PHKB: variants seen among roughly 807,000 people sequenced by gnomAD.
PHKB encodes the protein phosphorylase b kinase regulatory subunit beta.
Under a neutral mutation model 152.1 loss-of-function variants are expected in PHKB, and 122 were observed. The ratio of observed to expected loss-of-function variants is 0.80; its 90% CI spans 0.69 to 0.93. PHKB has a LOEUF of 0.93. Ranked by LOEUF, PHKB falls within the 40% of genes least tolerant of loss-of-function variation. The probability of loss-of-function intolerance (pLI) is 0.00; values close to 1 mark genes in which losing one functional copy is unlikely to be tolerated. For missense variants in PHKB, 1,304 were observed against 1,328.4 expected (o/e 0.98, Z 0.29); for synonymous variants, 436 against 464.9 (o/e 0.94, Z 0.80).
intron 20 of PHKB, among the ~76,000 whole-genome samples, chr16:47,653,417 A>G (rs1973275020): frequency 6.6e-6 from 1 of 152,190 alleles, no homozygotes; most frequent in African/African-American, 2.4e-5. Context: ...ATGGAAAGGA[A>G]CTTTTGGACC....
At chr16:47,664,837 T>G in intron 24 of PHKB, 48 bp from the exon 25 acceptor site, 2 of 1,222,992 alleles carry the variant, frequency 1.6e-6, no homozygotes. Context: ...TCCTGGAAGT[T>G]TTATTTACTC....
At chr16:47,493,439 G>A (rs539613534) in intron 1 of PHKB, among the ~76,000 whole-genome samples, 5 of 152,188 alleles carry the variant, frequency 3.3e-5, no homozygotes, top group Non-Finnish European at 7.4e-5. Context: ...AAAATTGAGA[G>A]TACAGATAAA....
chr16:47,473,330 C>T (rs547836318), intron 1 of PHKB, among the ~76,000 whole-genome samples: 5 of 148,070 alleles, frequency 3.4e-5, no homozygotes. Context: ...CCAACTCTGC[C>T]TCCCAAAGTG....
At position 47,629,262 on chromosome 16, in the gene PHKB, A is replaced by G. The variant is rs1400362346; in HGVS notation, c.1459-11773A>G. 5.3e-5 allele frequency among the ~76,000 whole-genome samples: 8 copies of G among 152,222 alleles called. No homozygotes were observed. In the South Asian group the frequency reaches 8.3e-4, roughly 16 times the overall value. On this transcript the variant is annotated intron_variant, in intron 14 of 30. Transcript: ENST00000323584. ...ACCTACAAAATGGGAGAAAATTTTCACAACCTACTCATCTGACAAAGGGCT... is the reference window on the plus strand; with the variant it reads ...ACCTACAAAATGGGAGAAAATTTTCGCAACCTACTCATCTGACAAAGGGCT...
At chr16:47,631,097 T>C (rs1323163060) in intron 14 of PHKB, among the ~76,000 whole-genome samples, 1 of 152,136 alleles carries the variant, frequency 6.6e-6, no homozygotes, top group Non-Finnish European at 1.5e-5. Context: ...CCTCCGTAAT[T>C]GTGTGAGCCA....
Position 47,615,529 on chromosome 16 carries a change from A to G in PHKB, c.1458+4609A>G, listed in dbSNP as rs186865487. On this transcript the variant is annotated intron_variant, in intron 14 of 30. Coordinates refer to ENST00000323584, the MANE Select transcript of PHKB (RefSeq NM_000293.3). Reference sequence around the variant, plus strand: ...TCTCTGTTGTGCTTTGCATTTCCCTATCCTCTGGTGAGAGAAAACAGATTT... The same window carrying G: ...TCTCTGTTGTGCTTTGCATTTCCCTGTCCTCTGGTGAGAGAAAACAGATTT... Among the ~76,000 whole-genome samples, 12 of 152,228 alleles carry G rather than the reference A, an allele frequency of 7.9e-5. No homozygotes were observed. In the East Asian group the frequency reaches 1.2e-3, roughly 15 times the overall value.
In PHKB at chr16:47,650,775, TATTA is replaced by T. The variant is rs3830242; in HGVS notation, c.1881-52_1881-49del. The T allele has an allele frequency of 0.43, 595,054 of 1,394,238 alleles. 133,750 individuals carry two copies. The highest frequency in any genetic ancestry group is 0.75 in the East Asian group (32,750 of 43,772). 86.4% of individuals were successfully genotyped at this position (1,394,238 alleles called of 1,614,324 possible). The stretch of plus-strand genomic sequence containing the variant: ...ATATAAGGGGCACTTAGTATTAGAT[TATTA>T]ATTTACCATTCTGTTGTTAATCTGT... On this transcript the variant is annotated intron_variant, in intron 19 of 30. Coordinates refer to ENST00000323584, the MANE Select transcript of PHKB (RefSeq NM_000293.3).
chr16:47,505,256 G>T (rs183678327), intron 4 of PHKB, among the ~76,000 whole-genome samples: 1 of 152,170 alleles, frequency 6.6e-6, no homozygotes, highest in Admixed American at 6.5e-5. Flanking sequence ...CTAGTGGGCC[G>T]CTTCTGGTAA....
rs530838472 is a variant in PHKB at position 47,464,174 on chromosome 16, C to T, written c.76+2748C>T. ...TGTTTTGAATGTGGCCTATTGTGTTCTTCTCATGTGGGATGTGAAAAGAAC... is the reference window on the plus strand; with the variant it reads ...TGTTTTGAATGTGGCCTATTGTGTTTTTCTCATGTGGGATGTGAAAAGAAC... On this transcript the variant is annotated intron_variant, in intron 1 of 30. Coordinates refer to ENST00000323584, the MANE Select transcript of PHKB (RefSeq NM_000293.3). The T allele has an allele frequency of 3.2e-5, 20 of 615,688 alleles. No individual in the cohort carries two copies. In the South Asian group the frequency reaches 3.5e-4, roughly 11 times the overall value. The allele number at this position is 615,688 out of a possible 1,614,324, so 38.1% of individuals were successfully genotyped here.
At chr16:47,479,430 T>A (rs908997413) in intron 1 of PHKB, among the ~76,000 whole-genome samples, 1 of 151,978 alleles carries the variant, frequency 6.6e-6, no homozygotes, top group Non-Finnish European at 1.5e-5. Flanking sequence ...TCTCACACCC[T>A]CTCTTCTTCC....
intron 26 of PHKB, among the ~76,000 whole-genome samples, chr16:47,679,966 T>A (rs1973816794): frequency 1.3e-5 from 2 of 152,220 alleles, no homozygotes; most frequent in South Asian, 4.1e-4. Context: ...TTATTGAGAG[T>A]TTTTAGCATG....
intron 20 of PHKB, among the ~76,000 whole-genome samples, chr16:47,654,567 G>A (rs2151733760): frequency 6.6e-6 from 1 of 152,138 alleles, no homozygotes; most frequent in East Asian, 1.9e-4. Flanking sequence ...GTCCAACAAT[G>A]ATAGACTGGA....
At chr16:47,694,733 C>T (rs1042852240) in intron 28 of PHKB, among the ~76,000 whole-genome samples, 2 of 152,172 alleles carry the variant, frequency 1.3e-5, no homozygotes, top group Non-Finnish European at 2.9e-5. Flanking sequence ...CAGAGAGCAG[C>T]GCCTCGTTGC....
intron 14 of PHKB, among the ~76,000 whole-genome samples, chr16:47,618,046 A>G (rs534284493): frequency 2.9e-4 from 44 of 151,736 alleles, no homozygotes; most frequent in Middle Eastern, 3.4e-3. Flanking sequence ...TCCCACCTTT[A>G]CTCCATTGTG....
intron 1 of PHKB, among the ~76,000 whole-genome samples, chr16:47,468,189 A>G (rs1969702616): frequency 6.6e-6 from 1 of 152,192 alleles, no homozygotes; most frequent in Non-Finnish European, 1.5e-5. Context: ...TCCCTAGTCC[A>G]AGCCACTTTT....
intron 1 of PHKB, chr16:47,462,650 A>G (rs1278823631): frequency 6.9e-6 from 1 of 145,874 alleles, no homozygotes; most frequent in East Asian, 2.0e-4. Flanking sequence ...AAAAAAAATT[A>G]TTTTCTCACC....
chr16:47,634,824 A>C (rs997081972), intron 14 of PHKB, among the ~76,000 whole-genome samples: 1 of 152,202 alleles, frequency 6.6e-6, no homozygotes, highest in Non-Finnish European at 1.5e-5. Flanking sequence ...GAGCTAGATC[A>C]TGGAGGGCCT....
intron 28 of PHKB, among the ~76,000 whole-genome samples, 167 bp downstream of exon 28, chr16:47,693,674 T>C (rs1974102055): frequency 1.3e-5 from 2 of 152,146 alleles, no homozygotes; most frequent in African/African-American, 4.8e-5. Flanking sequence ...GGATTGAAAA[T>C]TTTTTTCCCC....
intron 5 of PHKB, among the ~76,000 whole-genome samples, chr16:47,512,820 T>A (rs1159148366): frequency 1.3e-5 from 2 of 152,200 alleles, no homozygotes; most frequent in Non-Finnish European, 2.9e-5. Context: ...ACTTAACTAT[T>A]CATCTATTCC....
Sources: gnomAD v4.1 joint callset for allele counts (sites outside exome capture counted in the v4.1 genomes callset) on GRCh38, gnomAD v4.1.1 for gene constraint, MANE v1.5 for transcripts, NCBI Gene and HGNC (gene_info 2026-07-23, HGNC 2026-07-21) for gene names.